Variants in LNX1 observed in about 807,000 individuals in gnomAD.
LNX1 encodes the protein ligand of numb-protein X 1.
A neutral mutation model predicts 68.4 loss-of-function variants in LNX1; 54 were observed. The ratio of observed to expected loss-of-function variants is 0.79; its 90% confidence interval spans 0.63 to 0.99. LNX1 has a LOEUF of 0.99. LNX1 is among the 50% of genes least tolerant of loss of function. The pLI is 0.00. For synonymous variants in LNX1, 336 were observed against 350.0 expected, an observed-to-expected ratio of 0.96 and a Z score of 0.45; for missense variants, 906 against 926.4, an observed-to-expected ratio of 0.98 and a Z score of 0.29.
At chr4:53,522,690 C>T (rs575293402) in intron 2 of LNX1, among the ~76,000 whole-genome samples, 66 of 152,222 alleles carry the variant, frequency 4.3e-4, no homozygotes, top group African/African-American at 1.5e-3. Context: ...AGGAATTGCT[C>T]TTTTTCTGAT....
intron 9 of LNX1, among the ~76,000 whole-genome samples, chr4:53,462,997 G>C (rs980881079): frequency 6.6e-6 from 1 of 152,076 alleles, no homozygotes; most frequent in Non-Finnish European, 1.5e-5. Flanking sequence ...ATTCCCACCT[G>C]GGAGGATGTG....
intron 2 of LNX1, among the ~76,000 whole-genome samples, chr4:53,551,260 G>A (rs28551603): frequency 0.014 from 2,072 of 152,194 alleles, 58 homozygotes; most frequent in African/African-American, 0.048. Flanking sequence ...CAGACATGAG[G>A]CAGGGAAGGC....
At position 53,477,904 on chromosome 4, in the gene LNX1, G is replaced by A. The variant is rs189185713; in HGVS notation, c.1663+661C>T. On this transcript the variant is annotated intron_variant, in intron 8 of 10. Transcript: ENST00000263925. The stretch of plus-strand genomic sequence containing the variant: ...CTCCTCAGGCTCAGCAGCTGTACTT[G>A]GGAAACTTCACAGTTTATCTCTTGA... Among the ~76,000 whole-genome samples the A allele has an allele frequency of 2.0e-5, 3 of 152,152 alleles. No individual in the cohort carries two copies. The East Asian group carries it at 5.8e-4, about 29-fold the overall frequency.
Position 53,476,794 on chromosome 4 carries a change from A to C in LNX1, c.1851T>G (p.Ser617Arg). 2 of 1,614,090 alleles carry C rather than the reference A, an allele frequency of 1.2e-6. No individual in the cohort carries two copies. The highest frequency in any genetic ancestry group is 1.7e-6 in the Non-Finnish European group (2 of 1,180,010). The part of the protein sequence containing the change: ...LDSNHNMAPP[S>R]DWSPSWVMWL... ...ACATGACCCAGGATGGGGACCAGTC[A>C]CTGGGTGGGGCCATGTTGTGGTTGG... The change falls in exon 9 of 11, where the codon AGT becomes AGG. Residue 617 changes from serine to arginine, a missense_variant. Coordinates refer to ENST00000263925, the MANE Select transcript of LNX1 (RefSeq NM_001126328.3).
At chr4:53,495,997 G>C (rs369040583) in intron 6 of LNX1, 26 bp downstream of exon 6, 1 of 1,593,886 alleles carries the variant, frequency 6.3e-7, no homozygotes, top group Non-Finnish European at 8.6e-7. Context: ...TTTCTGACTG[G>C]GATCCTGGAA....
upstream of LNX1, among the ~76,000 whole-genome samples, chr4:53,595,723 G>C (rs1039070783): frequency 2.0e-5 from 3 of 152,148 alleles, no homozygotes; most frequent in Admixed American, 6.5e-5. Flanking sequence ...GAAATCTAAG[G>C]GGGGAAGGAG....
At chr4:53,555,480 TACTTATAAATG>T (rs1359157422) in intron 2 of LNX1, among the ~76,000 whole-genome samples, 1 of 152,182 alleles carries the variant, frequency 6.6e-6, no homozygotes, top group Non-Finnish European at 1.5e-5. Flanking sequence ...CTACCTACTC[TACTTATAAATG>T]ACTTATTTCC....
At chr4:53,576,225 C>G in intron 1 of LNX1, 1 of 1,603,852 alleles carries the variant, frequency 6.2e-7, no homozygotes. Context: ...TGGCTCGCTT[C>G]CTGCAGCCGA....
intron 1 of LNX1, among the ~76,000 whole-genome samples, chr4:53,591,079 C>A: frequency 6.6e-6 from 1 of 152,208 alleles, no homozygotes; most frequent in East Asian, 1.9e-4. Flanking sequence ...AAAACAAAAG[C>A]CTTCACTCTA....
chr4:53,560,348 T>G (rs180683250), intron 2 of LNX1, among the ~76,000 whole-genome samples: 1 of 152,226 alleles, frequency 6.6e-6, no homozygotes, highest in African/African-American at 2.4e-5. Flanking sequence ...ATTAATTAAT[T>G]AATGTGACTG....
intron 2 of LNX1, among the ~76,000 whole-genome samples, chr4:53,537,625 C>T (rs1728464611): frequency 6.6e-6 from 1 of 152,232 alleles, no homozygotes; most frequent in Non-Finnish European, 1.5e-5. Context: ...ACACAGGGCT[C>T]TCCTGCCAGG....
Position 53,628,252 on chromosome 4 carries a change from A to G in LNX1, c.-215+23916T>C, listed in dbSNP as rs114110249. Among the ~76,000 whole-genome samples, 443 of 152,340 alleles carry G rather than the reference A, an allele frequency of 2.9e-3. 1 individual carries two copies. The highest frequency in any genetic ancestry group is 6.8e-3 in the Middle Eastern group (2 of 294). ...AATATATGCAAACTATGCATCCAAC[A>G]AAGTATTAGTATTCAGAATCTACAA... On this transcript the variant is annotated intron_variant, in intron 1 of 2. Transcript: ENST00000507168.
chr4:53,468,719 A>C (rs1243019122), intron 9 of LNX1, among the ~76,000 whole-genome samples: 1 of 152,238 alleles, frequency 6.6e-6, no homozygotes, highest in Admixed American at 6.5e-5. Context: ...ACTTTAAACC[A>C]ACAAAGATCA....
intron 9 of LNX1, among the ~76,000 whole-genome samples, chr4:53,467,886 A>G (rs1258993036): frequency 2.6e-5 from 4 of 152,224 alleles, no homozygotes; most frequent in Admixed American, 1.3e-4. Context: ...GAAAGTGACG[A>G]GGAGAATGGA....
intron 2 of LNX1, among the ~76,000 whole-genome samples, chr4:53,599,331 G>A (rs1732892427): frequency 1.3e-5 from 2 of 152,110 alleles, no homozygotes; most frequent in East Asian, 1.9e-4. Flanking sequence ...ACCTCTGGTC[G>A]TCCTCACTGC....
intron 2 of LNX1, among the ~76,000 whole-genome samples, chr4:53,555,681 G>A (rs553162017): frequency 2.6e-5 from 4 of 152,182 alleles, no homozygotes; most frequent in African/African-American, 7.2e-5. Context: ...CAGTAGCATC[G>A]GGGAACAGCT....
chr4:53,561,977 A>G (rs972729884), intron 2 of LNX1, among the ~76,000 whole-genome samples: 2 of 152,228 alleles, frequency 1.3e-5, no homozygotes, highest in African/African-American at 4.8e-5. Flanking sequence ...GAGTTGTCCT[A>G]TGAAACAATT....
chr4:53,609,556 TAAATAATATATA>T (rs1388045561), intron 2 of LNX1, among the ~76,000 whole-genome samples: 54 of 146,792 alleles, frequency 3.7e-4, no homozygotes, highest in Middle Eastern at 7.5e-3. Flanking sequence ...AATTTATGTA[TAAATAATATATA>T]AAATAATATA....
chr4:53,526,125 A>C (rs1247420448), intron 2 of LNX1, among the ~76,000 whole-genome samples: 1 of 152,192 alleles, frequency 6.6e-6, no homozygotes, highest in Admixed American at 6.5e-5. Context: ...ATATTAAAAA[A>C]AGATAACATA....
Sources: gnomAD v4.1 joint callset for allele counts (sites outside exome capture counted in the v4.1 genomes callset) on GRCh38, gnomAD v4.1.1 for gene constraint, MANE v1.5 for transcripts, NCBI Gene and HGNC (gene_info 2026-07-23, HGNC 2026-07-21) for gene names.